Variants in RPS6KC1 observed in about 807,000 individuals in gnomAD.
RPS6KC1 encodes the protein inactive ribosomal protein S6 kinase delta-1.
Under a neutral mutation model 103.8 loss-of-function variants are expected in RPS6KC1, and 54 were observed. The observed-to-expected ratio is 0.52, with a 90% CI of 0.42 to 0.65. The LOEUF (loss-of-function observed/expected upper bound fraction) is 0.65. Ranked by LOEUF, RPS6KC1 falls within the 30% of genes least tolerant of loss-of-function variation. The probability of loss-of-function intolerance (pLI) is 0.00; values close to 1 mark genes in which losing one functional copy is unlikely to be tolerated. For synonymous variants in RPS6KC1, 439 were observed against 438.7 expected (o/e 1.00, Z -0.01); for missense variants, 1,151 against 1,253.8 (o/e 0.92, Z 1.24).
chr1:213,076,628 T>A (rs1256693730), intron 2 of RPS6KC1, among the ~76,000 whole-genome samples: 2 of 152,098 alleles, frequency 1.3e-5, no homozygotes, highest in Non-Finnish European at 2.9e-5. Context: ...TTTTTTTTTT[T>A]AGATATAATC....
the RPS6KC1 span, among the ~76,000 whole-genome samples, chr1:213,359,050 G>A: frequency 2.6e-5 from 4 of 152,218 alleles, no homozygotes; most frequent in African/African-American, 9.6e-5. Context: ...GGGGTGGAGA[G>A]TTCTGTAGAT....
At chr1:213,466,889 G>A in the RPS6KC1 span, among the ~76,000 whole-genome samples, 3 of 152,228 alleles carry the variant, frequency 2.0e-5, no homozygotes, top group South Asian at 6.2e-4. Flanking sequence ...AAATGACCAT[G>A]TGTCCTGTCT....
the RPS6KC1 span, among the ~76,000 whole-genome samples, chr1:213,313,651 A>G: frequency 8.3e-3 from 1,263 of 152,324 alleles, 15 homozygotes; most frequent in African/African-American, 0.028. Context: ...ACAAAGTATC[A>G]CAAACTGGGT....
chr1:213,580,867 G>T, the RPS6KC1 span, among the ~76,000 whole-genome samples: 1 of 151,794 alleles, frequency 6.6e-6, no homozygotes, highest in Non-Finnish European at 1.5e-5. Context: ...ATAGTGTAAG[G>T]GTCACTTTCA....
intron 2 of RPS6KC1, among the ~76,000 whole-genome samples, chr1:213,074,230 A>G (rs1196796020): frequency 6.6e-6 from 1 of 152,104 alleles, no homozygotes; most frequent in Non-Finnish European, 1.5e-5. Context: ...ATTTATGTAG[A>G]AAATATTTAA....
the RPS6KC1 span, among the ~76,000 whole-genome samples, chr1:213,632,662 G>A: frequency 3.7e-4 from 57 of 152,204 alleles, no homozygotes; most frequent in Admixed American, 3.2e-3. Context: ...GCAGCTCCTC[G>A]CCAGCAATGG....
rs571659060 is a variant in RPS6KC1 at position 213,230,750 on chromosome 1, G to A, written c.1092+206G>A. Among the ~76,000 whole-genome samples, 8 of 148,508 alleles carry A rather than the reference G, an allele frequency of 5.4e-5. 1 individual carries two copies. The Admixed American group carries it at 5.5e-4, about 10-fold the overall frequency. ...CCCGGGAGACTTAGGCAGGAGAATCGCTTGAACCCAGGAGGCAGAGATTGC... is the reference window on the plus strand; with the variant it reads ...CCCGGGAGACTTAGGCAGGAGAATCACTTGAACCCAGGAGGCAGAGATTGC... On this transcript the variant is annotated intron_variant, in intron 9 of 14. Coordinates refer to ENST00000366960, the MANE Select transcript of RPS6KC1 (RefSeq NM_012424.6).
the RPS6KC1 span, among the ~76,000 whole-genome samples, chr1:213,608,448 T>C: frequency 6.6e-6 from 1 of 152,178 alleles, no homozygotes; most frequent in South Asian, 2.1e-4. Context: ...GTCAGAAGGT[T>C]CTAAGGGAAA....
At chr1:213,445,861 C>T in the RPS6KC1 span, among the ~76,000 whole-genome samples, 1 of 152,174 alleles carries the variant, frequency 6.6e-6, no homozygotes, top group African/African-American at 2.4e-5. Flanking sequence ...GTGCACAAAG[C>T]CGTCTCAAGG....
chr1:213,474,623 C>A, the RPS6KC1 span, among the ~76,000 whole-genome samples: 1 of 152,136 alleles, frequency 6.6e-6, no homozygotes, highest in Non-Finnish European at 1.5e-5. Context: ...TTGGTGATTT[C>A]GTCTTTTTGG....
intron 1 of RPS6KC1, among the ~76,000 whole-genome samples, chr1:213,060,108 G>A (rs541651028): frequency 5.9e-5 from 9 of 152,266 alleles, no homozygotes; most frequent in East Asian, 1.9e-4. Context: ...GTGAACCACC[G>A]CGTCCAGCTG....
chr1:213,510,063 A>G, the RPS6KC1 span, among the ~76,000 whole-genome samples: 1 of 152,248 alleles, frequency 6.6e-6, no homozygotes, highest in South Asian at 2.1e-4. Context: ...GTTCCTACCT[A>G]CAATAGGGTG....
At chr1:213,784,810 C>A in the RPS6KC1 span, among the ~76,000 whole-genome samples, 1 of 152,196 alleles carries the variant, frequency 6.6e-6, no homozygotes, top group Non-Finnish European at 1.5e-5. Flanking sequence ...AGCTTTTTCC[C>A]ATCTGCTTCC....
At chr1:213,263,442 A>G (rs1231558058) in intron 14 of RPS6KC1, among the ~76,000 whole-genome samples, 2 of 152,214 alleles carry the variant, frequency 1.3e-5, no homozygotes, top group Non-Finnish European at 2.9e-5. Flanking sequence ...CGTGTAGTGA[A>G]TTTTGCTGAT....
chr1:213,703,657 C>T, the RPS6KC1 span, among the ~76,000 whole-genome samples: 3 of 152,138 alleles, frequency 2.0e-5, no homozygotes, highest in African/African-American at 7.2e-5. Context: ...TTAAATATGT[C>T]ATGCCGTTCT....
chr1:213,840,334 T>A, the RPS6KC1 span: 1 of 152,230 alleles, frequency 6.6e-6, no homozygotes, highest in African/African-American at 2.4e-5. Context: ...AGATTCATTC[T>A]TCTACACTCA....
chr1:213,135,821 A>C (rs192293155), intron 6 of RPS6KC1, among the ~76,000 whole-genome samples: 194 of 152,316 alleles, frequency 1.3e-3, no homozygotes, highest in Middle Eastern at 3.4e-3. Flanking sequence ...AGAAGGAACT[A>C]TTTCATAGGT....
At chr1:213,138,149 C>T (rs1200114116) in intron 6 of RPS6KC1, among the ~76,000 whole-genome samples, 1 of 151,898 alleles carries the variant, frequency 6.6e-6, no homozygotes, top group Non-Finnish European at 1.5e-5. Context: ...CTTTTGTATG[C>T]CTAAAATAAA....
At chr1:213,115,063 A>G (rs11120090) in intron 4 of RPS6KC1, among the ~76,000 whole-genome samples, 110,634 of 152,084 alleles carry the variant, frequency 0.73, 41,058 homozygotes, top group African/African-American at 0.87. Flanking sequence ...TGATGCTGGC[A>G]TCATAAAATG....
Sources: gnomAD v4.1 joint callset for allele counts (sites outside exome capture counted in the v4.1 genomes callset) on GRCh38, gnomAD v4.1.1 for gene constraint, MANE v1.5 for transcripts, NCBI Gene and HGNC (gene_info 2026-07-23, HGNC 2026-07-21) for gene names.